CDHR2: variants seen among roughly 807,000 people sequenced by gnomAD.
The protein encoded by CDHR2 is cadherin-related family member 2.
CDHR2 carries 104 observed loss-of-function variants against 138.6 expected under a neutral mutation model. That is an observed-to-expected ratio of 0.75 (90% CI 0.64 to 0.88). The LOEUF is 0.88. Among genes scored for constraint, CDHR2 ranks in the 40% least tolerant of loss-of-function variants. The pLI, the probability that CDHR2 is intolerant of heterozygous loss-of-function variation, is 0.00. For missense variants in CDHR2, 1,624 were observed against 1,727.6 expected (o/e 0.94, Z 1.06); for synonymous variants, 755 against 742.8 (o/e 1.02, Z -0.27).
At chr5:176,571,000 G>C (rs1758213903) in intron 5 of CDHR2, among the ~76,000 whole-genome samples, 1 of 104,934 alleles carries the variant, frequency 9.5e-6, no homozygotes, top group Non-Finnish European at 1.8e-5. Context: ...CTTTCAAATG[G>C]TTCAGAAAAC....
Position 176,574,073 on chromosome 5 carries a change from C to T in CDHR2, c.406-10C>T. The T allele has an allele frequency of 6.2e-7, 1 of 1,611,562 alleles. No individual in the cohort carries two copies. Among genetic ancestry groups the T allele is most frequent in the Non-Finnish European group, 8.5e-7 (1 of 1,178,082 alleles). On this transcript the variant is annotated splice_polypyrimidine_tract_variant and intron_variant, in intron 6 of 31. Coordinates refer to ENST00000261944, the MANE Select transcript of CDHR2 (RefSeq NM_017675.6). ...ATTTGAGCTCATAGGTGACGAGTCCCTCCCTGCAGACCCTGCCCGTGGGCA... is the reference window on the plus strand; with the variant it reads ...ATTTGAGCTCATAGGTGACGAGTCCTTCCCTGCAGACCCTGCCCGTGGGCA...
Position 176,586,763 on chromosome 5 carries a change from C to T in CDHR2, c.2807-30C>T, listed in dbSNP as rs80239887. 7,761 of 1,588,148 alleles carry T rather than the reference C, an allele frequency of 4.9e-3. 100 individuals carry two copies. Among genetic ancestry groups the T allele is most frequent in the African/African-American group, 0.048 (3,613 of 74,630 alleles). On this transcript the variant is annotated intron_variant, in intron 20 of 31. Transcript: ENST00000261944. ...GTCCAGGTGGGCAGTGTCCCGACCCCGCTGACCCCGTTCCCGTTCACACCT... is the reference window on the plus strand; with the variant it reads ...GTCCAGGTGGGCAGTGTCCCGACCCTGCTGACCCCGTTCCCGTTCACACCT...
chr5:176,555,752 A>C (rs12655817), intron 1 of CDHR2, among the ~76,000 whole-genome samples: 144,872 of 152,012 alleles, frequency 0.95, 69,466 homozygotes, highest in East Asian at 1. Context: ...ACTAAAAATA[A>C]AAAAATTAGC....
In CDHR2 at chr5:176,543,355, C is replaced by T. The variant is rs1757502508; in HGVS notation, c.-16+586C>T. 6.7e-6 allele frequency among the ~76,000 whole-genome samples: 1 copy of T among 148,816 alleles called. No homozygotes were observed. Among genetic ancestry groups the T allele is most frequent in the Non-Finnish European group, 1.5e-5 (1 of 66,616 alleles). On this transcript the variant is annotated intron_variant, in intron 1 of 31. Transcript: ENST00000510636. This position sits in a 1 kb window ranked among gnomAD's most constrained non-coding sequence, Gnocchi z 4.0. ...CGGTGCGGCTGCGGCCCGCGCGCCG[C>T]CTGCCGCGGCCCCTCTCCGGCCCGG...
intron 14 of CDHR2, 70 bp downstream of exon 14, chr5:176,577,868 G>GTA (rs1758433650): frequency 6.5e-7 from 1 of 1,547,048 alleles, no homozygotes; most frequent in Non-Finnish European, 8.8e-7. Context: ...GTGTGAGAGT[G>GTA]TGTGTGTGTG....
chr5:176,593,738 T>A (rs1433010375), intron 31 of CDHR2, among the ~76,000 whole-genome samples: 1 of 152,172 alleles, frequency 6.6e-6, no homozygotes, highest in Non-Finnish European at 1.5e-5. Context: ...GGTTCAGAAT[T>A]TGTTTTCCCT....
intron 6 of CDHR2, among the ~76,000 whole-genome samples, chr5:176,571,737 C>T (rs551306365): frequency 3.3e-5 from 5 of 151,992 alleles, no homozygotes; most frequent in African/African-American, 1.2e-4. Context: ...GGGGTTTCAC[C>T]GTGTTAGCCA....
chr5:176,569,287 G>GTTTT (rs549604043), intron 5 of CDHR2, among the ~76,000 whole-genome samples: 1 of 141,104 alleles, frequency 7.1e-6, no homozygotes, highest in Non-Finnish European at 1.5e-5. Flanking sequence ...TAAATTAAAT[G>GTTTT]TTTTTTTTTT....
chr5:176,544,467 TCTTA>T (rs1175531537), upstream of CDHR2, among the ~76,000 whole-genome samples: 2 of 150,576 alleles, frequency 1.3e-5, no homozygotes, highest in Admixed American at 6.6e-5. Flanking sequence ...TTTGACGGAG[TCTTA>T]CTTTGTCGCC....
At chr5:176,559,713 A>AT (rs34825798) in intron 1 of CDHR2, among the ~76,000 whole-genome samples, 4 of 130,584 alleles carry the variant, frequency 3.1e-5, no homozygotes, top group African/African-American at 1.4e-4. Context: ...TAATTCCTGC[A>AT]TTTTTTTTAA....
chr5:176,588,724 T>TGTGA lies in CDHR2; in HGVS notation c.2857-306_2857-305insTGAG, dbSNP rs1554144045. On this transcript the variant is annotated intron_variant, in intron 21 of 31. Transcript: ENST00000261944. ...GACTGTGTGTGTGAGTGTGTGTGTG[T>TGTGA]GAGAGAGAGAGAGAGTATGGCAGTG... Among the ~76,000 whole-genome samples, 600 of 147,568 alleles carry TGTGA rather than the reference T, an allele frequency of 4.1e-3. 6 individuals carry two copies. Among genetic ancestry groups the TGTGA allele is most frequent in the African/African-American group, 0.014 (564 of 39,842 alleles).
In CDHR2 at chr5:176,553,738, T is replaced by C. The variant is rs1757761862; in HGVS notation, c.-16+4324T>C. Reference sequence around the variant, plus strand: ...ACCGCCAGCCCCGCCACCACCACCATCTCCCTCCCCCAACTGTCACCTCCA... The same window carrying C: ...ACCGCCAGCCCCGCCACCACCACCACCTCCCTCCCCCAACTGTCACCTCCA... On this transcript the variant is annotated intron_variant, in intron 1 of 31. Coordinates refer to ENST00000261944, the MANE Select transcript of CDHR2 (RefSeq NM_017675.6). This position sits in a 1 kb window ranked among gnomAD's most constrained non-coding sequence, Gnocchi z 4.3. Among the ~76,000 whole-genome samples the C allele has an allele frequency of 7.0e-6, 1 of 142,610 alleles. No homozygotes were observed. The highest frequency in any genetic ancestry group is 1.5e-5 in the Non-Finnish European group (1 of 65,412). 93.6% of individuals were successfully genotyped at this position (142,610 alleles called of 152,430 possible).
At position 176,568,785 on chromosome 5, in the gene CDHR2, G is replaced by A. The variant is rs1561870909; in HGVS notation, c.232G>A (p.Glu78Lys). 16 of 1,614,238 alleles carry A rather than the reference G, an allele frequency of 9.9e-6. No homozygotes were observed. The highest frequency in any genetic ancestry group is 1.0e-5 in the Non-Finnish European group (12 of 1,180,042). ...YFFAVTPKTG[E>K]VKLASALDYE... is the part of the protein sequence containing the mutation. ...CTTCGCTGTCACTCCGAAAACTGGG[G>A]AAGTGAAGCTGGCCAGCGCTCTGGA... Residue 78 changes from glutamate to lysine, a missense_variant, in exon 4 of 32, where the codon GAA becomes AAA. Around this residue, in one of 3 missense-constraint regions of CDHR2, gnomAD observed 1,061 missense variants for 1,136.6 expected, o/e 0.93. Coordinates refer to ENST00000261944, the MANE Select transcript of CDHR2 (RefSeq NM_017675.6).
At chr5:176,548,513 G>A (rs1757635620), upstream of CDHR2, among the ~76,000 whole-genome samples, 1 of 152,208 alleles carries the variant, frequency 6.6e-6, no homozygotes, top group Non-Finnish European at 1.5e-5. Context: ...GCCGAGGCAG[G>A]CGGATCGCCT....
At chr5:176,566,094 G>A (rs1758072719) in intron 3 of CDHR2, among the ~76,000 whole-genome samples, 1 of 149,148 alleles carries the variant, frequency 6.7e-6, no homozygotes, top group Non-Finnish European at 1.5e-5. Context: ...TCCCACGCTG[G>A]CTTTTTTTTT....
At chr5:176,595,028 T>G (rs1409452868) in intron 31 of CDHR2, among the ~76,000 whole-genome samples, 2 of 152,204 alleles carry the variant, frequency 1.3e-5, no homozygotes, top group African/African-American at 4.8e-5. Context: ...GACACGCTTT[T>G]GAACCAGCAA....
intron 31 of CDHR2, among the ~76,000 whole-genome samples, chr5:176,595,147 G>A (rs540209940): frequency 1.3e-5 from 2 of 152,204 alleles, no homozygotes; most frequent in Non-Finnish European, 2.9e-5. Context: ...GGGTAGTTGA[G>A]GTAATGGATG....
At chr5:176,544,178 T>A (rs1235177485) in intron 1 of CDHR2, among the ~76,000 whole-genome samples, 1 of 152,248 alleles carries the variant, frequency 6.6e-6, no homozygotes, top group Non-Finnish European at 1.5e-5. Context: ...GTGGAGCGGC[T>A]GCCTCCGGGT....
intron 24 of CDHR2, 110 bp from the exon 25 acceptor site, chr5:176,589,968 C>T (rs1758802299): frequency 3.4e-6 from 3 of 871,688 alleles, no homozygotes; most frequent in South Asian, 1.4e-5. Flanking sequence ...CAGAGCTGTC[C>T]AGAGGAGGTG....
Sources: allele counts gnomAD v4.1 joint callset (sites outside exome capture counted in the v4.1 genomes callset), GRCh38; gene constraint gnomAD v4.1.1; regional missense constraint gnomAD v4.1.1; non-coding constraint Gnocchi (gnomAD v3.1); transcripts MANE v1.5; gene names NCBI Gene and HGNC (gene_info 2026-07-23, HGNC 2026-07-21).